The following EPHA6 variants were observed in gnomAD, a reference collection of about 807,000 sequenced individuals.
EPHA6 encodes EPH receptor A6, also known as ephrin type-A receptor 6.
Under a neutral mutation model 112.0 loss-of-function variants are expected in EPHA6, and 50 were observed. The observed-to-expected ratio is 0.45, with a 90% CI of 0.36 to 0.56. The LOEUF (loss-of-function observed/expected upper bound fraction) is 0.56. Ranked by LOEUF, EPHA6 falls within the 20% of genes least tolerant of loss-of-function variation. The probability of loss-of-function intolerance (pLI) is 0.00; values close to 1 mark genes in which losing one functional copy is unlikely to be tolerated. For missense variants in EPHA6, 1,280 were observed against 1,417.4 expected (o/e 0.90, Z 1.56); for synonymous variants, 529 against 490.7 (o/e 1.08, Z -1.03).
chr3:97,668,876 C>T (rs2030448173), intron 14 of EPHA6, among the ~76,000 whole-genome samples: 1 of 123,172 alleles, frequency 8.1e-6, no homozygotes, highest in Non-Finnish European at 1.6e-5. Flanking sequence ...GGTGCCACTG[C>T]ACTCCAGCCT....
At chr3:97,582,213 G>T (rs1024624489) in intron 11 of EPHA6, among the ~76,000 whole-genome samples, 1 of 152,010 alleles carries the variant, frequency 6.6e-6, no homozygotes, top group Non-Finnish European at 1.5e-5. Flanking sequence ...ATTTTCAGTA[G>T]AGATGGGGTT....
At chr3:97,328,723 T>A (rs1040244522) in intron 5 of EPHA6, among the ~76,000 whole-genome samples, 2 of 152,054 alleles carry the variant, frequency 1.3e-5, no homozygotes, top group African/African-American at 4.8e-5. Context: ...ACTTATCAAT[T>A]TTACTTTTCT....
intron 3 of EPHA6, among the ~76,000 whole-genome samples, chr3:97,039,572 G>A (rs557128284): frequency 1.4e-3 from 206 of 151,808 alleles, no homozygotes; most frequent in African/African-American, 4.3e-3. Context: ...GGGAGAAAGT[G>A]GAATATTATG....
chr3:97,481,515 G>T (rs1053504677), intron 9 of EPHA6: 3 of 968,006 alleles, frequency 3.1e-6, no homozygotes, highest in East Asian at 5.5e-5. Context: ...CCTCCGGCGC[G>T]GGGCTAAGTG....
intron 13 of EPHA6, among the ~76,000 whole-genome samples, chr3:97,620,338 C>T (rs919157851): frequency 1.3e-5 from 2 of 151,912 alleles, no homozygotes; most frequent in Non-Finnish European, 2.9e-5. Flanking sequence ...TAGGTAATAC[C>T]ATTCAGGAGA....
chr3:97,399,919 G>A (rs1382989797), intron 5 of EPHA6, among the ~76,000 whole-genome samples: 1 of 151,440 alleles, frequency 6.6e-6, no homozygotes, highest in African/African-American at 2.4e-5. Context: ...TTTCTTTGCT[G>A]TTCAGAAGCT....
chr3:96,862,474 TA>T (rs757066586), intron 1 of EPHA6, among the ~76,000 whole-genome samples: 1 of 151,936 alleles, frequency 6.6e-6, no homozygotes, highest in Non-Finnish European at 1.5e-5. Flanking sequence ...GTCTGAACTT[TA>T]AAACATATTG....
chr3:97,499,355 T>C (rs185304053), intron 10 of EPHA6, among the ~76,000 whole-genome samples: 8 of 152,350 alleles, frequency 5.3e-5, no homozygotes, highest in African/African-American at 1.9e-4. Context: ...AAGATCTGTA[T>C]ATCTTCTTCC....
chr3:97,182,411 G>T (rs2077014771), intron 3 of EPHA6, among the ~76,000 whole-genome samples: 1 of 150,628 alleles, frequency 6.6e-6, no homozygotes, highest in South Asian at 2.1e-4. Context: ...TATTTAAAGG[G>T]CAACAGTATT....
At chr3:97,401,762 T>C (rs920171520) in intron 5 of EPHA6, among the ~76,000 whole-genome samples, 1 of 151,854 alleles carries the variant, frequency 6.6e-6, no homozygotes, top group Non-Finnish European at 1.5e-5. Context: ...CATTAGATTT[T>C]TTATTTGTAA....
At chr3:96,877,889 C>T (rs1182607538) in intron 2 of EPHA6, among the ~76,000 whole-genome samples, 5 of 146,908 alleles carry the variant, frequency 3.4e-5, no homozygotes, top group Admixed American at 6.9e-5. Context: ...TTAGGATTTG[C>T]GTGTGTATAT....
intron 10 of EPHA6, among the ~76,000 whole-genome samples, chr3:97,497,406 C>A (rs1393211192): frequency 6.6e-6 from 1 of 152,158 alleles, no homozygotes; most frequent in Non-Finnish European, 1.5e-5. Context: ...CTTCCTCCAA[C>A]TTCTATGACA....
intron 2 of EPHA6, among the ~76,000 whole-genome samples, chr3:96,934,345 C>A (rs1343113881): frequency 7.9e-5 from 12 of 151,352 alleles, no homozygotes; most frequent in Admixed American, 4.0e-4. Context: ...TTTATTTTAT[C>A]TTATACCATT....
rs1686578560 is a variant in EPHA6 at position 97,751,924 on chromosome 3, A to G, written c.*3223A>G. On this transcript the variant is annotated 3_prime_UTR_variant, in exon 18 of 18. Transcript: ENST00000389672. ...CAATTTTGTCTATGGTGAACTCATT[A>G]TCTCATAGTAGAAGGCATATTTGGA... is the stretch of plus-strand genomic sequence containing the variant. Among the ~76,000 whole-genome samples, 1 of 152,146 alleles carries G rather than the reference A, an allele frequency of 6.6e-6. No individual in the cohort carries two copies.
intron 14 of EPHA6, among the ~76,000 whole-genome samples, chr3:97,658,787 T>A (rs2094151838): frequency 6.6e-6 from 1 of 151,712 alleles, no homozygotes. Flanking sequence ...GAAAAAGACA[T>A]AAAAGCATGA....
At chr3:97,727,728 G>A (rs1288326520) in intron 15 of EPHA6, among the ~76,000 whole-genome samples, 3 of 151,946 alleles carry the variant, frequency 2.0e-5, no homozygotes, top group African/African-American at 7.2e-5. Context: ...TTTCAAAAAG[G>A]CCTTCGTTTT....
intron 1 of EPHA6, among the ~76,000 whole-genome samples, chr3:96,824,224 T>A (rs1280375316): frequency 6.6e-6 from 1 of 151,770 alleles, no homozygotes; most frequent in Non-Finnish European, 1.5e-5. Flanking sequence ...GGAATTAAAT[T>A]TAATAATTTA....
intron 5 of EPHA6, among the ~76,000 whole-genome samples, chr3:97,356,554 T>A (rs1322444153): frequency 6.6e-6 from 1 of 151,744 alleles, no homozygotes; most frequent in South Asian, 2.1e-4. Flanking sequence ...TCTTTCTTGA[T>A]ACATTGATTA....
Position 97,748,958 on chromosome 3 carries a change from T to C in EPHA6, c.*257T>C. 1 of 448,480 alleles carries C rather than the reference T, an allele frequency of 2.2e-6. No homozygotes were observed. Among genetic ancestry groups the C allele is most frequent in the Non-Finnish European group, 4.1e-6 (1 of 244,078 alleles). 27.8% of individuals were successfully genotyped at this position (448,480 alleles called of 1,614,324 possible). ...CTACGCAATGGTAAATAACTCAGCA[T>C]GGATGTGTAATTTTGTATAAGCCGT... On this transcript the variant is annotated 3_prime_UTR_variant, in exon 18 of 18. Coordinates refer to ENST00000389672, the MANE Select transcript of EPHA6 (RefSeq NM_001080448.3).
Sources: gnomAD v4.1 joint callset for allele counts (sites outside exome capture counted in the v4.1 genomes callset) on GRCh38, gnomAD v4.1.1 for gene constraint, MANE v1.5 for transcripts, NCBI Gene and HGNC (gene_info 2026-07-23, HGNC 2026-07-21) for gene names.